ZC3H12B: variants seen among roughly 807,000 people sequenced by gnomAD.
ZC3H12B encodes zinc finger CCCH-type containing 12B.
Under a neutral mutation model 43.9 loss-of-function variants are expected in ZC3H12B, and 7 were observed. The ratio of observed to expected loss-of-function variants is 0.16; its 90% CI spans 0.09 to 0.30. ZC3H12B has a LOEUF of 0.30. Ranked by LOEUF, ZC3H12B falls within the 10% of genes least tolerant of loss-of-function variation. The pLI is 1.00. For missense variants in ZC3H12B, 475 were observed against 670.2 expected, an observed-to-expected ratio of 0.71 and a Z score of 3.22; for synonymous variants, 222 against 241.7, an observed-to-expected ratio of 0.92 and a Z score of 0.76.
chrX:65,125,661 G>A, the ZC3H12B span, among the ~76,000 whole-genome samples: 3 of 110,822 alleles, frequency 2.7e-5, no homozygotes, highest in Non-Finnish European at 5.7e-5. Context: ...GAGCTCCAGT[G>A]GTAAGTGCAT....
intron 3 of ZC3H12B, among the ~76,000 whole-genome samples, chrX:65,426,801 A>T (rs2067089120): frequency 2.7e-5 from 3 of 111,984 alleles, no homozygotes; most frequent in Admixed American, 9.5e-5. Flanking sequence ...CTTAATCTTG[A>T]TTTTTAATTT....
chrX:65,212,194 A>AAT, the ZC3H12B span, among the ~76,000 whole-genome samples: 45 of 45,203 alleles, frequency 1.0e-3, no homozygotes, highest in Non-Finnish European at 1.4e-3. Context: ...TATATTATAT[A>AAT]ATATAATTAT....
At chrX:65,448,674 G>A (rs773144060) in intron 3 of ZC3H12B, among the ~76,000 whole-genome samples, 1 of 109,768 alleles carries the variant, frequency 9.1e-6, no homozygotes, top group South Asian at 4.0e-4. Context: ...AAAATTAGCT[G>A]GACGTGGTGG....
At chrX:65,432,832 A>C (rs1168240973) in intron 3 of ZC3H12B, among the ~76,000 whole-genome samples, 1 of 111,966 alleles carries the variant, frequency 8.9e-6, no homozygotes, top group African/African-American at 3.2e-5. Flanking sequence ...ATGTCTTACC[A>C]ATAAGTCTAG....
the ZC3H12B span, among the ~76,000 whole-genome samples, chrX:65,234,696 G>A: frequency 3.7e-4 from 42 of 112,506 alleles, no homozygotes; most frequent in African/African-American, 1.3e-3. Flanking sequence ...AAAATCAGTA[G>A]CATTTATTAA....
At chrX:65,335,350 C>T in the ZC3H12B span, among the ~76,000 whole-genome samples, 3 of 111,659 alleles carry the variant, frequency 2.7e-5, no homozygotes, top group Non-Finnish European at 5.6e-5. Context: ...AAAGAAGGTC[C>T]TTTTAAATCT....
the ZC3H12B span, among the ~76,000 whole-genome samples, chrX:65,274,270 A>T: frequency 9.0e-6 from 1 of 111,716 alleles, no homozygotes. Flanking sequence ...ATGCAGCTGC[A>T]TTGCCCCAGA....
chrX:65,428,722 G>T (rs2067114275), intron 3 of ZC3H12B, among the ~76,000 whole-genome samples: 1 of 112,125 alleles, frequency 8.9e-6, no homozygotes. Context: ...AGTGATGTTT[G>T]TTATTACCCA....
At chrX:65,073,415 C>T in the ZC3H12B span, among the ~76,000 whole-genome samples, 1 of 112,005 alleles carries the variant, frequency 8.9e-6, no homozygotes, top group Non-Finnish European at 1.9e-5. Flanking sequence ...ACAATGTAGG[C>T]CCCCAGGGCA....
intron 2 of ZC3H12B, among the ~76,000 whole-genome samples, chrX:65,370,482 C>A (rs1252041721): frequency 1.8e-5 from 2 of 111,796 alleles, no homozygotes; most frequent in African/African-American, 6.5e-5. Flanking sequence ...CAATAACATT[C>A]TATCATAATG....
the ZC3H12B span, among the ~76,000 whole-genome samples, chrX:65,323,188 T>A: frequency 1.8e-5 from 2 of 112,418 alleles, no homozygotes; most frequent in African/African-American, 3.2e-5. Flanking sequence ...CTGTGTTGAA[T>A]TTAAGTGGTG....
the ZC3H12B span, among the ~76,000 whole-genome samples, chrX:65,161,816 T>G: frequency 6.3e-5 from 7 of 111,949 alleles, no homozygotes; most frequent in Non-Finnish European, 1.3e-4. Flanking sequence ...TGGTGTTAGT[T>G]AGCTGGTTAT....
the ZC3H12B span, among the ~76,000 whole-genome samples, chrX:65,141,046 T>A: frequency 9.0e-6 from 1 of 111,635 alleles, no homozygotes; most frequent in Non-Finnish European, 1.9e-5. Flanking sequence ...TGTTTTCTAG[T>A]CTCTTTTTCA....
At chrX:65,339,588 T>C in the ZC3H12B span, among the ~76,000 whole-genome samples, 3 of 111,547 alleles carry the variant, frequency 2.7e-5, no homozygotes, top group Non-Finnish European at 5.7e-5. Flanking sequence ...CCATAGGAGA[T>C]TTTAGCCCTA....
chrX:65,250,139 A>T, the ZC3H12B span, among the ~76,000 whole-genome samples: 1 of 109,436 alleles, frequency 9.1e-6, no homozygotes, highest in Non-Finnish European at 1.9e-5. Flanking sequence ...TCCTGTGTCC[A>T]AATGTTCTCA....
At chrX:65,325,461 A>C in the ZC3H12B span, among the ~76,000 whole-genome samples, 1 of 111,750 alleles carries the variant, frequency 8.9e-6, no homozygotes. Flanking sequence ...ACCATGAACT[A>C]TCTGAAAAAT....
chrX:65,066,870 T>C, the ZC3H12B span, among the ~76,000 whole-genome samples: 1 of 111,975 alleles, frequency 8.9e-6, no homozygotes, highest in African/African-American at 3.3e-5. Context: ...GCAGTCTGGC[T>C]ACAGCGGCTT....
chrX:65,417,710 T>C (rs1056974892), intron 3 of ZC3H12B, among the ~76,000 whole-genome samples: 1 of 113,147 alleles, frequency 8.8e-6, no homozygotes. Flanking sequence ...CTAAAGGATT[T>C]GATCAGTAAT....
intron 3 of ZC3H12B, among the ~76,000 whole-genome samples, chrX:65,421,657 A>C (rs1293596593): frequency 1.8e-5 from 2 of 112,582 alleles, no homozygotes; most frequent in African/African-American, 6.5e-5. Flanking sequence ...AACTCACTTC[A>C]CAGCAAAAGA....
Sources: gnomAD v4.1 joint callset for allele counts (sites outside exome capture counted in the v4.1 genomes callset) on GRCh38, gnomAD v4.1.1 for gene constraint, MANE v1.5 for transcripts, NCBI Gene and HGNC (gene_info 2026-07-23, HGNC 2026-07-21) for gene names.